LYG1: variants seen among roughly 807,000 people sequenced by gnomAD.
LYG1 encodes the protein lysozyme g1, also known as lysozyme g-like protein 1.
In LYG1, 17 loss-of-function variants were observed where a neutral mutation model predicts 21.7. The observed-to-expected ratio is 0.78, with a 90% CI of 0.54 to 1.18. LYG1 has a LOEUF of 1.18. Ranked by LOEUF, LYG1 falls within the 50% of genes most tolerant of loss-of-function variation. LYG1 has a pLI of 0.00. For synonymous variants in LYG1, 81 were observed against 87.4 expected (o/e 0.93, Z 0.41); for missense variants, 211 against 238.1 (o/e 0.89, Z 0.75).
chr2:99,288,486 G>A (rs1337496454), intron 5 of LYG1, among the ~76,000 whole-genome samples: 2 of 152,038 alleles, frequency 1.3e-5, no homozygotes, highest in African/African-American at 2.4e-5. Context: ...TTAATATCGT[G>A]TAGTTGCTAC....
At chr2:99,301,393 A>AAGAGAGAGAGAAAGAGAG (rs2094153418), upstream of LYG1, among the ~76,000 whole-genome samples, 9 of 149,590 alleles carry the variant, frequency 6.0e-5, no homozygotes, top group Middle Eastern at 3.4e-3. Flanking sequence ...ACAAGGAAGG[A>AAGAGAGAGAGAAAGAGAG]AGAGAGAGAG....
chr2:99,284,947 C>A, intron 5 of LYG1, 127 bp from the exon 6 acceptor site: 1 of 1,262,964 alleles, frequency 7.9e-7, no homozygotes, highest in Non-Finnish European at 1.1e-6. Context: ...GGAACCAATG[C>A]CACCGTCAGT....
intron 5 of LYG1, among the ~76,000 whole-genome samples, chr2:99,289,660 C>CCAGTGCAA (rs1225373553): frequency 6.6e-6 from 1 of 152,114 alleles, no homozygotes; most frequent in Non-Finnish European, 1.5e-5. Context: ...TTCAATGCTG[C>CCAGTGCAA]CAGTGCAAAC....
At chr2:99,294,678 T>G (rs1026213023) in intron 3 of LYG1, among the ~76,000 whole-genome samples, 2 of 152,214 alleles carry the variant, frequency 1.3e-5, no homozygotes, top group East Asian at 3.8e-4. Context: ...TAGCACCTTG[T>G]AGGCATTTTT....
In LYG1 at chr2:99,284,271, T is replaced by C; in HGVS notation, c.*122A>G. The C allele has an allele frequency of 1.3e-6, 1 of 794,228 alleles. No individual in the cohort carries two copies. The highest frequency in any genetic ancestry group is 1.7e-5 in the South Asian group (1 of 60,516). The allele number at this position is 794,228 out of a possible 1,614,324, so 49.2% of individuals were successfully genotyped here. A position where few individuals can be genotyped will look rare whatever the true frequency, so the allele number is the denominator to read the frequency against. On this transcript the variant is annotated 3_prime_UTR_variant, in exon 7 of 7. Transcript: ENST00000308528. ...AAAATTCTTCCTTTAATGTGATTCA[T>C]GTTATTTTAATGACTTTTAGGTCAA...
At chr2:99,292,510 T>A (rs1204630631) in intron 4 of LYG1, 26 bp downstream of exon 4, 3 of 1,551,216 alleles carry the variant, frequency 1.9e-6, no homozygotes, top group Non-Finnish European at 2.7e-6. Flanking sequence ...GGGGGATAGG[T>A]TGAGAGGGCG....
chr2:99,302,507 C>G (rs1234094168), upstream of LYG1, among the ~76,000 whole-genome samples: 1 of 152,216 alleles, frequency 6.6e-6, no homozygotes, highest in Non-Finnish European at 1.5e-5. Context: ...GTGTTTCAAG[C>G]AACATGTGGA....
chr2:99,291,184 G>T (rs975988676), intron 5 of LYG1, 53 bp downstream of exon 5: 1 of 1,555,048 alleles, frequency 6.4e-7, no homozygotes, highest in East Asian at 2.3e-5. Flanking sequence ...AAAAAACAAA[G>T]CAGTGGTGCC....
intron 3 of LYG1, among the ~76,000 whole-genome samples, chr2:99,294,270 C>A (rs1265277822): frequency 6.6e-6 from 1 of 152,182 alleles, no homozygotes; most frequent in Admixed American, 6.5e-5. Flanking sequence ...GATTATCAAA[C>A]CTTAATGATT....
At chr2:99,295,132 A>G (rs1188795877) in intron 3 of LYG1, among the ~76,000 whole-genome samples, 1 of 152,142 alleles carries the variant, frequency 6.6e-6, no homozygotes, top group Non-Finnish European at 1.5e-5. Context: ...CAAACCAACA[A>G]AAACAAGTAC....
intron 5 of LYG1, among the ~76,000 whole-genome samples, chr2:99,285,593 C>T (rs1314111345): frequency 4.6e-5 from 7 of 152,152 alleles, no homozygotes; most frequent in Non-Finnish European, 7.3e-5. Context: ...CATGTGCATC[C>T]CGGAGACCCT....
Position 99,284,822 on chromosome 2 carries a change from T to C in LYG1, c.334-2A>G. ...TGTGGGAGCTTGAGAGCCAGGGTCC[T>C]GCAGGGAAGGAGGCAGAGAAGAAGC... is the stretch of plus-strand genomic sequence containing the variant. On this transcript the variant is annotated splice_acceptor_variant, in intron 5 of 6. Transcript: ENST00000308528. LOFTEE classifies it high-confidence loss of function. 1 of 1,612,532 alleles carries C rather than the reference T, an allele frequency of 6.2e-7. No individual in the cohort carries two copies. Among genetic ancestry groups the C allele is most frequent in the South Asian group, 1.1e-5 (1 of 91,006 alleles).
At chr2:99,284,556 A>C (rs1432299913) in intron 6 of LYG1, 45 bp from the exon 7 acceptor site, 1 of 1,601,022 alleles carries the variant, frequency 6.2e-7, no homozygotes, top group Non-Finnish European at 8.5e-7. Flanking sequence ...GGTACTCAGC[A>C]GTTAACTCTG....
chr2:99,286,261 T>G (rs931796076), intron 5 of LYG1, among the ~76,000 whole-genome samples: 1 of 152,228 alleles, frequency 6.6e-6, no homozygotes, highest in African/African-American at 2.4e-5. Flanking sequence ...TATTTAGGTA[T>G]TCTGTAATAA....
At chr2:99,299,286 T>C (rs1282861219) in intron 1 of LYG1, among the ~76,000 whole-genome samples, 1 of 142,298 alleles carries the variant, frequency 7.0e-6, no homozygotes, top group Non-Finnish European at 1.5e-5. Context: ...CTTTTTTTCT[T>C]TTTTTTTTTT....
Position 99,295,638 on chromosome 2 carries a change from A to G in LYG1, c.33T>C (p.Leu11=), listed in dbSNP as rs1574887468. ...ATCAGCCACACTCACCCATCAGGGC[A>G]AGGAGGCCCAGCAGCAGCCACAATG... MSALWLLLGL[L]ALMDLSESSN... The change falls in exon 3 of 7, where the codon CTT becomes CTC. Residue 11 remains leucine (L), a synonymous_variant. Transcript: ENST00000308528. 4.3e-6 allele frequency: 7 copies of G among 1,614,198 alleles called. No individual in the cohort carries two copies. In the Middle Eastern group the frequency reaches 9.9e-4, roughly 228 times the overall value.
chr2:99,300,013 A>T (rs979952944), intron 1 of LYG1, among the ~76,000 whole-genome samples: 1 of 152,082 alleles, frequency 6.6e-6, no homozygotes. Context: ...AACAGGCCTA[A>T]AATTAAAATA....
chr2:99,284,633 A>G, intron 6 of LYG1, 55 bp downstream of exon 6: 2 of 1,602,992 alleles, frequency 1.2e-6, no homozygotes, highest in Non-Finnish European at 1.7e-6. Flanking sequence ...AATGTATTAT[A>G]TTTGTCCCTA....
At chr2:99,284,846 G>A in intron 5 of LYG1, 26 bp from the exon 6 acceptor site, 1 of 1,609,990 alleles carries the variant, frequency 6.2e-7, no homozygotes, top group South Asian at 1.1e-5. Context: ...CAGAGAAGAA[G>A]CCACGTAAGC....
Sources: gnomAD v4.1 joint callset for allele counts (sites outside exome capture counted in the v4.1 genomes callset) on GRCh38, gnomAD v4.1.1 for gene constraint, MANE v1.5 for transcripts, NCBI Gene and HGNC (gene_info 2026-07-23, HGNC 2026-07-21) for gene names.